SSBP2: variants seen among roughly 807,000 people sequenced by gnomAD.
The protein encoded by SSBP2 is single-stranded DNA-binding protein 2.
In SSBP2, 17 loss-of-function variants were observed where a neutral mutation model predicts 61.8. The observed-to-expected ratio is 0.28, with a 90% CI of 0.19 to 0.41. The LOEUF (loss-of-function observed/expected upper bound fraction) is 0.41. Ranked by LOEUF, SSBP2 falls within the 10% of genes least tolerant of loss-of-function variation. The pLI is 1.00. For synonymous variants in SSBP2, 139 were observed against 141.3 expected (o/e 0.98, Z 0.12); for missense variants, 310 against 458.7 (o/e 0.68, Z 2.96).
intron 8 of SSBP2, among the ~76,000 whole-genome samples, chr5:81,469,926 T>C (rs1399512769): frequency 6.6e-6 from 1 of 151,952 alleles, no homozygotes; most frequent in African/African-American, 2.4e-5. Context: ...TCTGACAAAA[T>C]GGCTGTTCAG....
intron 1 of SSBP2, among the ~76,000 whole-genome samples, chr5:81,704,062 C>A (rs1027342333): frequency 6.6e-6 from 1 of 152,198 alleles, no homozygotes; most frequent in African/African-American, 2.4e-5. Context: ...ACAGTCACAT[C>A]ATCATTACTG....
intron 16 of SSBP2, 108 bp downstream of exon 16, chr5:81,428,476 AC>A: frequency 1.4e-6 from 1 of 711,064 alleles, no homozygotes; most frequent in Non-Finnish European, 2.4e-6. Context: ...TAAAAGATAA[AC>A]CTGTTGAACT....
intron 1 of SSBP2, among the ~76,000 whole-genome samples, chr5:81,655,878 A>G (rs762594585): frequency 6.6e-6 from 1 of 152,230 alleles, no homozygotes; most frequent in African/African-American, 2.4e-5. Context: ...TATTCCTTCA[A>G]CTAGGCTTCA....
intron 2 of SSBP2, among the ~76,000 whole-genome samples, chr5:81,643,026 G>C (rs1056292835): frequency 6.6e-6 from 1 of 151,976 alleles, no homozygotes; most frequent in Non-Finnish European, 1.5e-5. Context: ...TCTATACTTG[G>C]GGCTGGGATT....
At chr5:81,455,147 T>C (rs574805989) in intron 10 of SSBP2, among the ~76,000 whole-genome samples, 1 of 150,334 alleles carries the variant, frequency 6.7e-6, no homozygotes, top group East Asian at 1.9e-4. Context: ...CCTACAAATA[T>C]TTCAAATTTA....
chr5:81,482,372 G>T (rs1297162793), intron 6 of SSBP2, among the ~76,000 whole-genome samples: 1 of 152,140 alleles, frequency 6.6e-6, no homozygotes, highest in African/African-American at 2.4e-5. Context: ...TCTAAAGGAA[G>T]GCATTGACTG....
In SSBP2 at chr5:81,440,604, C is replaced by T. The variant is rs745511120; in HGVS notation, c.882G>A (p.Met294Ile). 6.2e-6 allele frequency: 10 copies of T among 1,613,382 alleles called. No homozygotes were observed. The African/African-American group carries it at 1.3e-4, about 22-fold the overall frequency. ...GTGACTCCATTCCTCCTAATCCACC[C>T]ATGGGACCATCTGACCCAGGACCCA... Residue 294 changes from methionine (M) to isoleucine (I), a missense_variant, in exon 14 of 17, where the codon ATG (methionine) becomes ATA (isoleucine). By Grantham distance (10) the Met-to-Ile change is conservative. Transcript: ENST00000320672.
chr5:81,681,483 G>A (rs1183964042), intron 1 of SSBP2, among the ~76,000 whole-genome samples: 1 of 146,124 alleles, frequency 6.8e-6, no homozygotes, highest in Non-Finnish European at 1.5e-5. Flanking sequence ...TCGTACCACT[G>A]CACTCCAGCC....
chr5:81,742,478 C>T (rs1319954092), intron 1 of SSBP2, among the ~76,000 whole-genome samples: 1 of 152,148 alleles, frequency 6.6e-6, no homozygotes, highest in African/African-American at 2.4e-5. Flanking sequence ...TAATCACAAA[C>T]CTTGCAACCA....
chr5:81,702,747 G>T (rs1477788094), intron 1 of SSBP2, among the ~76,000 whole-genome samples: 1 of 152,102 alleles, frequency 6.6e-6, no homozygotes, highest in Admixed American at 6.5e-5. Context: ...ATTTTAGGGG[G>T]ATAAAATTGA....
At chr5:81,511,256 C>T (rs538413719) in intron 5 of SSBP2, among the ~76,000 whole-genome samples, 1 of 152,268 alleles carries the variant, frequency 6.6e-6, no homozygotes, top group South Asian at 2.1e-4. Flanking sequence ...CACACTACAG[C>T]CATTTTCTTT....
chr5:81,455,649 A>AAAAAAT, intron 10 of SSBP2, among the ~76,000 whole-genome samples: 2 of 52,876 alleles, frequency 3.8e-5, no homozygotes, highest in Middle Eastern at 9.1e-3. Flanking sequence ...AAAAAAAAAA[A>AAAAAAT]AAAAAATCCT....
intron 15 of SSBP2, among the ~76,000 whole-genome samples, chr5:81,432,488 T>C (rs1762354690): frequency 6.6e-6 from 1 of 152,180 alleles, no homozygotes; most frequent in South Asian, 2.1e-4. Context: ...GGCTCATGCC[T>C]GTAATCCCAG....
intron 5 of SSBP2, among the ~76,000 whole-genome samples, chr5:81,496,925 TTCTC>T (rs1300953006): frequency 6.6e-6 from 1 of 152,206 alleles, no homozygotes; most frequent in Admixed American, 6.5e-5. Context: ...ATGTGGCACT[TTCTC>T]TCAGGCCCTC....
chr5:81,734,970 C>CAAAAAAAA (rs11350574), intron 1 of SSBP2, among the ~76,000 whole-genome samples: 1 of 70,526 alleles, frequency 1.4e-5, no homozygotes, highest in Non-Finnish European at 2.6e-5. Context: ...GACTCCATCT[C>CAAAAAAAA]AAAAAAAAAA....
At chr5:81,561,029 T>C (rs751382568) in intron 4 of SSBP2, among the ~76,000 whole-genome samples, 2 of 152,210 alleles carry the variant, frequency 1.3e-5, no homozygotes, top group South Asian at 2.1e-4. Flanking sequence ...CCTATGATCA[T>C]AGGAGTTTCT....
At position 81,567,330 on chromosome 5, in the gene SSBP2, T is replaced by C. The variant is rs115437040; in HGVS notation, c.282+48143A>G. Among the ~76,000 whole-genome samples the C allele has an allele frequency of 1.5e-3, 228 of 152,350 alleles. 1 individual carries two copies. The highest frequency in any genetic ancestry group is 5.3e-3 in the African/African-American group (220 of 41,586). ...CAGCCATGGCTGAAAGGGACTAATG[T>C]AGAGCTCAGGCCATGGTTTCAGATG... On this transcript the variant is annotated intron_variant, in intron 4 of 16. Coordinates refer to ENST00000320672, the MANE Select transcript of SSBP2 (RefSeq NM_012446.5).
In SSBP2 at chr5:81,614,755, A is replaced by G. The variant is rs184237090; in HGVS notation, c.282+718T>C. Among the ~76,000 whole-genome samples the G allele has an allele frequency of 4.6e-3, 693 of 152,140 alleles. 6 individuals carry two copies. Among genetic ancestry groups the G allele is most frequent in the Admixed American group, 8.2e-3 (126 of 15,288 alleles). On this transcript the variant is annotated intron_variant, in intron 4 of 16. Transcript: ENST00000320672. ...CTCTTTTATGGTTAGTTCTGCAAAC[A>G]TGTTTCCCTAGCCCCTTCATAATAC...
chr5:81,490,852 A>T (rs1766805399), intron 5 of SSBP2, among the ~76,000 whole-genome samples: 1 of 152,354 alleles, frequency 6.6e-6, no homozygotes, highest in Non-Finnish European at 1.5e-5. Context: ...GGACAGAAAC[A>T]GTAGATTAGT....
Sources: allele counts gnomAD v4.1 joint callset (sites outside exome capture counted in the v4.1 genomes callset), GRCh38; gene constraint gnomAD v4.1.1; transcripts MANE v1.5; gene names NCBI Gene and HGNC (gene_info 2026-07-23, HGNC 2026-07-21).